RIT2: variants seen among roughly 807,000 people sequenced by gnomAD.
RIT2 encodes the protein Ras like without CAAX 2.
A neutral mutation model predicts 23.7 loss-of-function variants in RIT2; 24 were observed. The observed-to-expected ratio is 1.01, with a 90% CI of 0.73 to 1.43. RIT2 has a LOEUF of 1.43. Among genes scored for constraint, RIT2 ranks in the 40% most tolerant of loss-of-function variants. The probability of loss-of-function intolerance (pLI) is 0.00; values close to 1 mark genes in which losing one functional copy is unlikely to be tolerated. For missense variants in RIT2, 236 were observed against 266.9 expected, an observed-to-expected ratio of 0.88 and a Z score of 0.81; for synonymous variants, 107 against 91.1, an observed-to-expected ratio of 1.17 and a Z score of -0.99.
At chr18:42,809,832 T>C (rs1221490892) in intron 4 of RIT2, among the ~76,000 whole-genome samples, 1 of 117,076 alleles carries the variant, frequency 8.5e-6, no homozygotes, top group African/African-American at 4.2e-5. Context: ...ATAATATATA[T>C]ATAATTTGTA....
chr18:42,832,243 T>C (rs76079918), intron 4 of RIT2, among the ~76,000 whole-genome samples: 2 of 152,290 alleles, frequency 1.3e-5, no homozygotes, highest in East Asian at 3.9e-4. Context: ...TGGTCAGAGT[T>C]AAAATGAAAC....
intron 4 of RIT2, among the ~76,000 whole-genome samples, chr18:42,918,133 C>T (rs1460670862): frequency 6.6e-6 from 1 of 152,122 alleles, no homozygotes; most frequent in African/African-American, 2.4e-5. Context: ...CATTATTGCA[C>T]ATAGAGATAT....
chr18:42,997,489 A>G (rs1911012140), intron 2 of RIT2, among the ~76,000 whole-genome samples: 1 of 150,878 alleles, frequency 6.6e-6, no homozygotes, highest in Admixed American at 6.6e-5. Context: ...GGAGGAAGAA[A>G]AAAAGGAAGA....
chr18:42,938,646 A>C (rs1435384558), intron 3 of RIT2, among the ~76,000 whole-genome samples: 1 of 152,220 alleles, frequency 6.6e-6, no homozygotes, highest in Non-Finnish European at 1.5e-5. Context: ...CAAATATGGA[A>C]AATATTCTAT....
intron 1 of RIT2, among the ~76,000 whole-genome samples, chr18:43,067,245 A>G (rs1460281210): frequency 6.6e-6 from 1 of 152,154 alleles, no homozygotes; most frequent in Non-Finnish European, 1.5e-5. Context: ...CAGCTATTAT[A>G]TTTCCAGCTT....
At position 42,936,622 on chromosome 18, in the gene RIT2, T is replaced by G. The variant is rs1032939140; in HGVS notation, c.235-12859A>C. Reference sequence around the variant, plus strand: ...CTCTATCTTTTATGCACTATCATACTTAGAACACCAATTTAACCCTTAAGT... The same window carrying G: ...CTCTATCTTTTATGCACTATCATACGTAGAACACCAATTTAACCCTTAAGT... On this transcript the variant is annotated intron_variant, in intron 3 of 4. Transcript: ENST00000326695. 2.6e-5 allele frequency among the ~76,000 whole-genome samples: 4 copies of G among 152,220 alleles called. No homozygotes were observed. The East Asian group carries it at 7.7e-4, about 29-fold the overall frequency.
chr18:42,836,028 ATCTTATT>A (rs1906593937), intron 4 of RIT2, among the ~76,000 whole-genome samples: 1 of 152,130 alleles, frequency 6.6e-6, no homozygotes, highest in Non-Finnish European at 1.5e-5. Context: ...CTAGGTGTGA[ATCTTATT>A]TCTTATTTAA....
At position 42,978,956 on chromosome 18, in the gene RIT2, A is replaced by T. The variant is rs187526760; in HGVS notation, c.161-4809T>A. On this transcript the variant is annotated intron_variant, in intron 2 of 4. Coordinates refer to ENST00000326695, the MANE Select transcript of RIT2 (RefSeq NM_002930.4). ...CACATAAGACAGTGCTTTTGAAAAA[A>T]GAAAGCAAAATTCAAACTCAAGGAA... is the stretch of plus-strand genomic sequence containing the variant. Among the ~76,000 whole-genome samples the T allele has an allele frequency of 1.5e-4, 23 of 152,264 alleles. No individual in the cohort carries two copies. The East Asian group carries it at 4.4e-3, about 29-fold the overall frequency.
At chr18:42,769,963 G>A (rs2143913343) in intron 4 of RIT2, among the ~76,000 whole-genome samples, 1 of 151,942 alleles carries the variant, frequency 6.6e-6, no homozygotes, top group Non-Finnish European at 1.5e-5. Context: ...ACAGTGAGTT[G>A]GAAGAACTCC....
At position 43,038,015 on chromosome 18, in the gene RIT2, T is replaced by C. The variant is rs553972042; in HGVS notation, c.104-4148A>G. On this transcript the variant is annotated intron_variant, in intron 1 of 4. Transcript: ENST00000326695. Reference sequence around the variant, plus strand: ...GTCAGGAGATCGAGACCATCCTGGCTAACATGGTGAAACCCCATCTTTACT... The same window carrying C: ...GTCAGGAGATCGAGACCATCCTGGCCAACATGGTGAAACCCCATCTTTACT... Among the ~76,000 whole-genome samples, 6 of 151,994 alleles carry C rather than the reference T, an allele frequency of 3.9e-5. No homozygotes were observed. The East Asian group carries it at 9.7e-4, about 25-fold the overall frequency.
At chr18:43,015,282 G>A (rs1445612407) in intron 2 of RIT2, among the ~76,000 whole-genome samples, 2 of 151,628 alleles carry the variant, frequency 1.3e-5, no homozygotes, top group African/African-American at 2.4e-5. Flanking sequence ...AGTAAAAAGA[G>A]TCAAGGATGA....
At chr18:43,041,700 AT>A (rs1568064471) in intron 1 of RIT2, among the ~76,000 whole-genome samples, 1 of 152,100 alleles carries the variant, frequency 6.6e-6, no homozygotes. Flanking sequence ...TTAAATTTCC[AT>A]TTTATTATTC....
chr18:43,114,930 T>C lies in RIT2; in HGVS notation c.103+487A>G, dbSNP rs531740959. 3.9e-5 allele frequency among the ~76,000 whole-genome samples: 6 copies of C among 152,194 alleles called. No homozygotes were observed. The South Asian group carries it at 1.2e-3, about 32-fold the overall frequency. ...TGGTATTCAAAGCCCACACACACCA[T>C]GTCAGACTACAGATGAGGAAAAAGA... On this transcript the variant is annotated intron_variant, in intron 1 of 4. Coordinates refer to ENST00000326695, the MANE Select transcript of RIT2 (RefSeq NM_002930.4).
intron 4 of RIT2, among the ~76,000 whole-genome samples, chr18:42,876,572 C>A (rs1355321930): frequency 6.6e-6 from 1 of 151,700 alleles, no homozygotes; most frequent in African/African-American, 2.4e-5. Flanking sequence ...AAAGCAAAAA[C>A]CATGAATAAC....
In RIT2 at chr18:43,030,822, G is replaced by A. The variant is rs142878640; in HGVS notation, c.160+2989C>T. ...GCTGGTGGATCGGGTGCTTTACCAC[G>A]AGAAGGAATCCTGGAAAAAGTAAAC... On this transcript the variant is annotated intron_variant, in intron 2 of 4. Transcript: ENST00000326695. Among the ~76,000 whole-genome samples the A allele has an allele frequency of 7.0e-3, 1,069 of 152,146 alleles. 19 individuals are homozygous for A. Among genetic ancestry groups the A allele is most frequent in the African/African-American group, 0.025 (1,028 of 41,522 alleles).
At chr18:43,057,884 C>T (rs1912546759) in intron 1 of RIT2, among the ~76,000 whole-genome samples, 1 of 150,036 alleles carries the variant, frequency 6.7e-6, no homozygotes. Context: ...CAGAAGCCAG[C>T]CATCCTTGGG....
At chr18:43,052,129 C>G (rs1223585312) in intron 1 of RIT2, among the ~76,000 whole-genome samples, 1 of 152,158 alleles carries the variant, frequency 6.6e-6, no homozygotes, top group Non-Finnish European at 1.5e-5. Flanking sequence ...TTCATCTATT[C>G]AACAGTGGCT....
intron 3 of RIT2, among the ~76,000 whole-genome samples, chr18:42,931,617 G>A (rs1016580939): frequency 4.6e-5 from 7 of 152,064 alleles, no homozygotes; most frequent in African/African-American, 1.4e-4. Flanking sequence ...CCGCCTCTGG[G>A]GGGTACAAAT....
intron 1 of RIT2, among the ~76,000 whole-genome samples, chr18:43,064,733 A>T (rs1166748498): frequency 6.6e-6 from 1 of 152,224 alleles, no homozygotes; most frequent in Non-Finnish European, 1.5e-5. Context: ...ATTCTAAATA[A>T]GGTGACTGGC....
Sources: gnomAD v4.1 joint callset for allele counts (sites outside exome capture counted in the v4.1 genomes callset) on GRCh38, gnomAD v4.1.1 for gene constraint, MANE v1.5 for transcripts, NCBI Gene and HGNC (gene_info 2026-07-23, HGNC 2026-07-21) for gene names.